NHS: variants seen among roughly 807,000 people sequenced by gnomAD.
The protein encoded by NHS is actin remodeling regulator NHS.
A neutral mutation model predicts 72.5 loss-of-function variants in NHS; 5 were observed. The observed-to-expected ratio is 0.07, with a 90% CI of 0.04 to 0.14. The LOEUF (loss-of-function observed/expected upper bound fraction) is 0.14, where lower values mean the gene tolerates loss of function less well. Among genes scored for constraint, NHS ranks in the 10% least tolerant of loss-of-function variants. The probability of loss-of-function intolerance (pLI) is 1.00; values close to 1 mark genes in which losing one functional copy is unlikely to be tolerated. For missense variants in NHS, 1,072 were observed against 1,355.7 expected, an observed-to-expected ratio of 0.79 and a Z score of 3.29; for synonymous variants, 464 against 547.7, an observed-to-expected ratio of 0.85 and a Z score of 2.13.
chrX:17,570,268 C>T (rs764648109), intron 1 of NHS, among the ~76,000 whole-genome samples: 1 of 112,137 alleles, frequency 8.9e-6, no homozygotes, highest in Admixed American at 9.4e-5. Context: ...AGCAGTAAGG[C>T]CGTTTTCACA....
intron 1 of NHS, among the ~76,000 whole-genome samples, chrX:17,512,253 G>A (rs1016001454): frequency 8.9e-6 from 1 of 111,837 alleles, no homozygotes. Context: ...AGATTAGGGG[G>A]CACAACACTT....
chrX:17,554,172 G>A (rs1188753685), intron 1 of NHS, among the ~76,000 whole-genome samples: 2 of 112,051 alleles, frequency 1.8e-5, no homozygotes, highest in Non-Finnish European at 3.8e-5. Context: ...CTTAACTACT[G>A]TGCAATTGTC....
chrX:17,541,847 A>G (rs73443625), intron 1 of NHS, among the ~76,000 whole-genome samples: 4,941 of 106,096 alleles, frequency 0.047, 288 homozygotes, highest in African/African-American at 0.15. Flanking sequence ...ACAAGAGCCC[A>G]GCTGCCTTAC....
rs1418603710 is a variant in NHS at position 17,511,164 on chromosome X, C to T, written c.565+134842C>T. 6.3e-5 allele frequency among the ~76,000 whole-genome samples: 7 copies of T among 111,915 alleles called. No homozygotes were observed. The Admixed American group carries it at 6.6e-4, about 11-fold the overall frequency. On this transcript the variant is annotated intron_variant, in intron 1 of 8. Transcript: ENST00000676302. ...TACTTGTGGGTGGGCAGGATGTGAC[C>T]TTGGCTGGGAGGCCCTCATGCCTGC...
chrX:17,557,217 G>A (rs921058190), intron 1 of NHS: 1 of 104,902 alleles, frequency 9.5e-6, no homozygotes, highest in Non-Finnish European at 1.9e-5. Context: ...CCAGATGTGT[G>A]AGAGAGTTCA....
At chrX:17,480,882 A>C (rs1251845331) in intron 1 of NHS, among the ~76,000 whole-genome samples, 2 of 111,150 alleles carry the variant, frequency 1.8e-5, no homozygotes, top group Admixed American at 9.6e-5. Flanking sequence ...TTCTCTTTAT[A>C]ATATATATAC....
intron 1 of NHS, among the ~76,000 whole-genome samples, chrX:17,552,029 G>C (rs780264891): frequency 9.9e-6 from 1 of 100,886 alleles, no homozygotes; most frequent in East Asian, 3.6e-4. Context: ...CCTCTTTAAA[G>C]GGAGGAAACC....
intron 1 of NHS, among the ~76,000 whole-genome samples, chrX:17,430,075 TTTCCTTCC>T (rs749084714): frequency 2.3e-3 from 225 of 96,176 alleles, no homozygotes; most frequent in East Asian, 6.3e-3. Context: ...TGCACATATT[TTTCCTTCC>T]TTCCTTCCTT....
At chrX:17,455,747 A>G (rs2064823172) in intron 1 of NHS, among the ~76,000 whole-genome samples, 1 of 112,218 alleles carries the variant, frequency 8.9e-6, no homozygotes. Context: ...CATTTGTTCT[A>G]TCATTGTCTC....
rs587780401 is a variant in NHS, at chrX:17,376,088, TCGGCGGCGG to T, written c.342_350del (p.Ala115_Ala117del). On this transcript the variant is annotated inframe_deletion, in exon 1 of 9. Transcript: ENST00000676302. ...GGCGCCCGCAGCCGGCGAGGCGTCC[TCGGCGGCGG>T]CGGCGGCGGCCGTGCTGCTCATGCT... 1.2e-5 allele frequency: 13 copies of T among 1,078,392 alleles called. No homozygotes were observed. The highest frequency in any genetic ancestry group is 2.0e-5 in the African/African-American group (1 of 50,749). The allele number at this position is 1,078,392 out of a possible 1,213,427, so 88.9% of individuals were successfully genotyped here.
chrX:17,618,504 T>A (rs1255623142), intron 1 of NHS, among the ~76,000 whole-genome samples: 1 of 112,362 alleles, frequency 8.9e-6, no homozygotes, highest in Non-Finnish European at 1.9e-5. Flanking sequence ...TTAAGCATGT[T>A]TATTTGTGCT....
intron 1 of NHS, among the ~76,000 whole-genome samples, chrX:17,615,183 A>ATATATACGTATATATATAC (rs34548387): frequency 4.5e-5 from 4 of 88,746 alleles, no homozygotes; most frequent in African/African-American, 1.8e-4. Flanking sequence ...GTATATATAT[A>ATATATACGTATATATATAC]GTATATATAC....
intron 1 of NHS, among the ~76,000 whole-genome samples, chrX:17,615,436 G>C (rs1288055189): frequency 9.6e-6 from 1 of 104,006 alleles, no homozygotes; most frequent in Non-Finnish European, 2.0e-5. Context: ...TTTTTTTGTG[G>C]AGATGAGGTT....
chrX:17,448,518 G>C (rs1235621628), intron 1 of NHS, among the ~76,000 whole-genome samples: 1 of 112,015 alleles, frequency 8.9e-6, no homozygotes, highest in Non-Finnish European at 1.9e-5. Context: ...AGGAATTATG[G>C]CCATTTGGTG....
chrX:17,690,223 CT>C (rs200580333), intron 2 of NHS, among the ~76,000 whole-genome samples: 28 of 111,206 alleles, frequency 2.5e-4, no homozygotes, highest in Admixed American at 9.5e-4. Context: ...TAGAAAGTGA[CT>C]TTTTTTTTAA....
chrX:17,390,542 A>G (rs1191172883), intron 1 of NHS, among the ~76,000 whole-genome samples: 1 of 111,926 alleles, frequency 8.9e-6, no homozygotes, highest in East Asian at 2.8e-4. Context: ...TCTGCTGCAT[A>G]AACAGGAGAG....
In NHS at chrX:17,732,423, G is replaced by A; in HGVS notation, c.4915G>A (p.Gly1639Arg). The change falls in exon 9 of 9, where the codon GGG (glycine) becomes AGG (arginine). Residue 1639 changes from glycine to arginine, a missense_variant. By Grantham distance (125) the Gly-to-Arg change is moderately radical. Transcript: ENST00000676302. Reference sequence around the variant, plus strand: ...CGAGGGAGAGACGGAAAATTCTGACGGGAGCCCACATGACGACCGTTCCTC... The same window carrying A: ...CGAGGGAGAGACGGAAAATTCTGACAGGAGCCCACATGACGACCGTTCCTC... The part of the protein sequence containing the change: ...ISEGETENSD[G>R]SPHDDRSSQS... 1 of 1,212,319 alleles carries A rather than the reference G, an allele frequency of 8.2e-7. No homozygotes were observed.
intron 1 of NHS, among the ~76,000 whole-genome samples, chrX:17,401,238 CT>C (rs2064501989): frequency 8.9e-6 from 1 of 112,067 alleles, no homozygotes; most frequent in African/African-American, 3.2e-5. Flanking sequence ...CAACATTTAA[CT>C]CAAAAGCAGT....
intron 1 of NHS, among the ~76,000 whole-genome samples, chrX:17,633,547 C>T (rs2065830232): frequency 8.9e-6 from 1 of 112,264 alleles, no homozygotes; most frequent in Admixed American, 9.4e-5. Context: ...CCAGCTTTCC[C>T]CTCAGCCCTT....
Sources: allele counts gnomAD v4.1 joint callset (sites outside exome capture counted in the v4.1 genomes callset), GRCh38; gene constraint gnomAD v4.1.1; transcripts MANE v1.5; gene names NCBI Gene and HGNC (gene_info 2026-07-23, HGNC 2026-07-21).